BTBD10: variants seen among roughly 807,000 people sequenced by gnomAD.
BTBD10 encodes BTB domain containing 10, also known as BTB/POZ domain-containing protein 10.
BTBD10 carries 21 observed loss-of-function variants against 53.2 expected under a neutral mutation model. The ratio of observed to expected loss-of-function variants is 0.39; its 90% CI spans 0.28 to 0.57. The LOEUF (loss-of-function observed/expected upper bound fraction) is 0.57. Ranked by LOEUF, BTBD10 falls within the 20% of genes least tolerant of loss-of-function variation. The probability of loss-of-function intolerance (pLI) is 0.53; values close to 1 mark genes in which losing one functional copy is unlikely to be tolerated. For missense variants in BTBD10, 360 were observed against 594.7 expected (o/e 0.61, Z 4.10); for synonymous variants, 149 against 192.7 (o/e 0.77, Z 1.88).
intron 2 of BTBD10, among the ~76,000 whole-genome samples, chr11:13,424,713 T>C (rs1337579840): frequency 6.6e-6 from 1 of 152,150 alleles, no homozygotes. Flanking sequence ...TAACAAGGGC[T>C]GAGTTCATAC....
At chr11:13,460,042 C>T (rs1475195264) in intron 1 of BTBD10, among the ~76,000 whole-genome samples, 1 of 152,166 alleles carries the variant, frequency 6.6e-6, no homozygotes, top group Non-Finnish European at 1.5e-5. Flanking sequence ...ACAGGAGCAC[C>T]TCACAAACAT....
At chr11:13,446,933 G>A (rs1054445527) in intron 1 of BTBD10, among the ~76,000 whole-genome samples, 5 of 151,978 alleles carry the variant, frequency 3.3e-5, no homozygotes, top group Admixed American at 3.3e-4. Context: ...AATCGGAGAA[G>A]CAAAGGAGAA....
chr11:13,463,180 T>A lies in BTBD10; in HGVS notation c.-146A>T, dbSNP rs1035878012. The stretch of plus-strand genomic sequence containing the variant: ...CACCTCCACTTCCTCCTCAGCCAGA[T>A]CCCTCCGGAGGTGGCTGTGGAGGAA... On this transcript the variant is annotated 5_prime_UTR_variant, in exon 1 of 9. Coordinates refer to ENST00000278174, the MANE Select transcript of BTBD10 (RefSeq NM_032320.7). 1.4e-4 allele frequency: 21 copies of A among 147,190 alleles called. No individual in the cohort carries two copies. The highest frequency in any genetic ancestry group is 4.5e-4 in the African/African-American group (18 of 40,412). 9.1% of individuals were successfully genotyped at this position (147,190 alleles called of 1,614,324 possible). A position where few individuals can be genotyped will look rare whatever the true frequency, so the allele number is the denominator to read the frequency against.
intron 1 of BTBD10, among the ~76,000 whole-genome samples, chr11:13,452,189 G>A (rs570535292): frequency 6.6e-6 from 1 of 152,304 alleles, no homozygotes; most frequent in Non-Finnish European, 1.5e-5. Context: ...AAAAGCATTA[G>A]ATAAGTGAAA....
At chr11:13,394,285 G>T (rs1949479060) in intron 8 of BTBD10, among the ~76,000 whole-genome samples, 1 of 152,144 alleles carries the variant, frequency 6.6e-6, no homozygotes, top group South Asian at 2.1e-4. Context: ...GGAGGTGTTT[G>T]AATCATGGCG....
chr11:13,398,976 T>C (rs1949637879), intron 8 of BTBD10, among the ~76,000 whole-genome samples: 1 of 152,208 alleles, frequency 6.6e-6, no homozygotes, highest in African/African-American at 2.4e-5. Context: ...GCCCTTAACA[T>C]TTTTTCCTTC....
At chr11:13,455,549 C>G (rs914936692) in intron 1 of BTBD10, among the ~76,000 whole-genome samples, 1 of 152,242 alleles carries the variant, frequency 6.6e-6, no homozygotes, top group African/African-American at 2.4e-5. Context: ...TTATAGGCTA[C>G]CTTCTTAAAA....
intron 8 of BTBD10, among the ~76,000 whole-genome samples, chr11:13,389,909 T>C (rs1043198272): frequency 2.6e-5 from 4 of 152,206 alleles, no homozygotes; most frequent in African/African-American, 7.2e-5. Context: ...TACTTCTGCA[T>C]CTAGATCAGC....
chr11:13,453,271 CAAAAACAA>C (rs1308101592), intron 1 of BTBD10, among the ~76,000 whole-genome samples: 1 of 151,312 alleles, frequency 6.6e-6, no homozygotes, highest in African/African-American at 2.4e-5. Flanking sequence ...ACAAGAAAAA[CAAAAACAA>C]AAAAACAGAA....
chr11:13,403,315 T>A, intron 7 of BTBD10, 37 bp from the exon 8 acceptor site: 1 of 1,183,604 alleles, frequency 8.4e-7, no homozygotes, highest in Non-Finnish European at 1.2e-6. Flanking sequence ...GTATTAAAAT[T>A]AAAGGATTTA....
chr11:13,391,954 AATAG>A (rs937528265), intron 8 of BTBD10, among the ~76,000 whole-genome samples: 7 of 152,180 alleles, frequency 4.6e-5, no homozygotes, highest in Admixed American at 6.5e-5. Context: ...TAGATGGATA[AATAG>A]ATAGACAGAA....
chr11:13,399,895 C>T (rs564318710), intron 8 of BTBD10, among the ~76,000 whole-genome samples: 3 of 152,166 alleles, frequency 2.0e-5, no homozygotes, highest in Non-Finnish European at 4.4e-5. Flanking sequence ...GCTGCCTGAT[C>T]GTTCCTCTGG....
At chr11:13,414,600 G>T (rs1405266782) in intron 5 of BTBD10, among the ~76,000 whole-genome samples, 2 of 151,918 alleles carry the variant, frequency 1.3e-5, no homozygotes, top group Non-Finnish European at 2.9e-5. Flanking sequence ...CTTGCAGTGA[G>T]CCGAGATCGC....
At chr11:13,419,806 T>C in intron 3 of BTBD10, 61 bp from the exon 4 acceptor site, 1 of 1,324,326 alleles carries the variant, frequency 7.6e-7, no homozygotes. Context: ...AAGATTTATA[T>C]ATATCTTTTT....
chr11:13,459,058 A>ATTTT lies in BTBD10; in HGVS notation c.-58+4030_-58+4033dup, dbSNP rs199960942. On this transcript the variant is annotated intron_variant, in intron 1 of 8. Transcript: ENST00000278174. The stretch of plus-strand genomic sequence containing the variant: ...TATTTATTTATTTTTTTATTTATTT[A>ATTTT]TTTTTTTTTTTTTTTTGAGACGGAG... Among the ~76,000 whole-genome samples the ATTTT allele has an allele frequency of 7.4e-4, 100 of 135,330 alleles. 1 individual carries two copies. Among genetic ancestry groups the ATTTT allele is most frequent in the African/African-American group, 2.3e-3 (88 of 37,686 alleles). 88.8% of individuals were successfully genotyped at this position (135,330 alleles called of 152,430 possible).
chr11:13,416,730 A>C (rs1379645364), intron 5 of BTBD10, among the ~76,000 whole-genome samples: 1 of 152,162 alleles, frequency 6.6e-6, no homozygotes, highest in African/African-American at 2.4e-5. Context: ...TAATCCCAGC[A>C]CTTTGGGAGG....
chr11:13,456,338 C>T (rs549346289), intron 1 of BTBD10, among the ~76,000 whole-genome samples: 1 of 152,180 alleles, frequency 6.6e-6, no homozygotes, highest in South Asian at 2.1e-4. Flanking sequence ...CGAGAAAAGA[C>T]AGACACTAAT....
chr11:13,411,483 A>C (rs1949943611), intron 6 of BTBD10, among the ~76,000 whole-genome samples: 1 of 152,178 alleles, frequency 6.6e-6, no homozygotes, highest in African/African-American at 2.4e-5. Flanking sequence ...GTCTTTGAGA[A>C]TCTCTAAATT....
intron 1 of BTBD10, chr11:13,462,642 C>A (rs1014697574): frequency 2.6e-5 from 4 of 152,236 alleles, no homozygotes; most frequent in African/African-American, 4.8e-5. Context: ...ATGGTTACAA[C>A]ATAAAACCAC....
Sources: allele counts gnomAD v4.1 joint callset (sites outside exome capture counted in the v4.1 genomes callset), GRCh38; gene constraint gnomAD v4.1.1; transcripts MANE v1.5; gene names NCBI Gene and HGNC (gene_info 2026-07-23, HGNC 2026-07-21).